ZMYM4: variants seen among roughly 807,000 people sequenced by gnomAD.
The protein encoded by ZMYM4 is zinc finger MYM-type protein 4.
ZMYM4 carries 31 observed loss-of-function variants against 183.2 expected under a neutral mutation model. The observed-to-expected ratio is 0.17, with a 90% CI of 0.13 to 0.23. The LOEUF is 0.23. Among genes scored for constraint, ZMYM4 ranks in the 10% least tolerant of loss-of-function variants. The pLI, the probability that ZMYM4 is intolerant of heterozygous loss-of-function variation, is 1.00. For missense variants in ZMYM4, 1,273 were observed against 1,840.3 expected (o/e 0.69, Z 5.64); for synonymous variants, 592 against 631.2 (o/e 0.94, Z 0.93).
chr1:35,316,112 C>T (rs531563248), intron 1 of ZMYM4, among the ~76,000 whole-genome samples: 27 of 152,020 alleles, frequency 1.8e-4, no homozygotes, highest in Non-Finnish European at 3.2e-4. Context: ...TAAATTTGAA[C>T]GTTTGGAAAG....
At chr1:35,409,894 C>T (rs547094872) in intron 26 of ZMYM4, among the ~76,000 whole-genome samples, 22 of 151,254 alleles carry the variant, frequency 1.5e-4, no homozygotes, top group Admixed American at 7.3e-4. Context: ...GAGCCAAGAT[C>T]GCGCCCCTGC....
intron 23 of ZMYM4, among the ~76,000 whole-genome samples, chr1:35,402,977 AGAAAGTATGAT>A (rs1644937936): frequency 6.6e-6 from 1 of 152,214 alleles, no homozygotes; most frequent in Non-Finnish European, 1.5e-5. Context: ...GTCTTGCAAC[AGAAAGTATGAT>A]GTTACCTGTA....
chr1:35,353,991 A>T (rs182773370), intron 2 of ZMYM4, among the ~76,000 whole-genome samples: 40 of 151,574 alleles, frequency 2.6e-4, no homozygotes, highest in Admixed American at 4.6e-4. Flanking sequence ...ACAAAAAATT[A>T]AAAAAAAATT....
chr1:35,370,338 ATTTTTTTTTT>A lies in ZMYM4; in HGVS notation c.926-14_926-5del, dbSNP rs35122134. ...AAAAGTAAAACATTTTTTTCTTTCA[ATTTTTTTTTT>A]TTTTTTTTTTTTTTTTTTTAAAGCT... On this transcript the variant is annotated intron_variant, in intron 6 of 29. Transcript: ENST00000314607. The A allele has an allele frequency of 1.7e-4, 195 of 1,129,092 alleles. 1 individual carries two copies. The highest frequency in any genetic ancestry group is 1.6e-3 in the East Asian group (36 of 22,340). The allele number at this position is 1,129,092 out of a possible 1,614,324, so 69.9% of individuals were successfully genotyped here.
intron 1 of ZMYM4, among the ~76,000 whole-genome samples, chr1:35,287,396 A>G (rs1640556140): frequency 3.3e-5 from 5 of 151,642 alleles, no homozygotes; most frequent in Admixed American, 2.6e-4. Context: ...CATTAAGTAC[A>G]TTATGTGATT....
At chr1:35,402,328 A>G (rs377678395) in intron 23 of ZMYM4, among the ~76,000 whole-genome samples, 1 of 152,044 alleles carries the variant, frequency 6.6e-6, no homozygotes, top group Admixed American at 6.6e-5. Flanking sequence ...TTTAAATTTC[A>G]TTTTTCACTG....
intron 2 of ZMYM4, among the ~76,000 whole-genome samples, chr1:35,356,785 T>G (rs1260490215): frequency 1.3e-5 from 2 of 152,154 alleles, no homozygotes; most frequent in Non-Finnish European, 2.9e-5. Flanking sequence ...GGGGAGCTAT[T>G]GAAGAATCTC....
chr1:35,311,370 C>T (rs906214725), intron 1 of ZMYM4, among the ~76,000 whole-genome samples: 2 of 148,952 alleles, frequency 1.3e-5, no homozygotes, highest in South Asian at 2.1e-4. Context: ...TTCAGTGAGC[C>T]GATATCATGC....
intron 7 of ZMYM4, among the ~76,000 whole-genome samples, chr1:35,371,430 C>T (rs1475516162): frequency 6.6e-6 from 1 of 151,918 alleles, no homozygotes; most frequent in African/African-American, 2.4e-5. Flanking sequence ...TTTTTATTTT[C>T]TCAATGTCTC....
chr1:35,306,804 C>T (rs1168523463), intron 1 of ZMYM4, among the ~76,000 whole-genome samples: 2 of 152,138 alleles, frequency 1.3e-5, no homozygotes, highest in Non-Finnish European at 2.9e-5. Flanking sequence ...CTTTTTCATC[C>T]TTCTGATCTC....
At chr1:35,349,696 G>A (rs1005055715) in intron 2 of ZMYM4, among the ~76,000 whole-genome samples, 8 of 151,736 alleles carry the variant, frequency 5.3e-5, no homozygotes, top group Middle Eastern at 3.2e-3. Flanking sequence ...CAGGCGTGGT[G>A]GTGGGCACCT....
At chr1:35,283,996 G>A (rs1225960951) in intron 1 of ZMYM4, among the ~76,000 whole-genome samples, 2 of 151,016 alleles carry the variant, frequency 1.3e-5, no homozygotes, top group African/African-American at 4.9e-5. Flanking sequence ...TTGAGACGGA[G>A]TCTCGCTCTG....
At chr1:35,314,069 T>C (rs1641926845) in intron 1 of ZMYM4, among the ~76,000 whole-genome samples, 1 of 152,156 alleles carries the variant, frequency 6.6e-6, no homozygotes, top group African/African-American at 2.4e-5. Context: ...GAGAAAACTT[T>C]TATTTGTTGT....
intron 2 of ZMYM4, 88 bp from the exon 3 acceptor site, chr1:35,358,836 AT>A: frequency 8.7e-7 from 1 of 1,145,184 alleles, no homozygotes; most frequent in East Asian, 2.4e-5. Flanking sequence ...GTTTGAAAAA[AT>A]ATTTATTTGG....
chr1:35,398,510 T>A, intron 21 of ZMYM4, 44 bp downstream of exon 21: 1 of 1,530,714 alleles, frequency 6.5e-7, no homozygotes, highest in South Asian at 1.2e-5. Context: ...AATACTACCC[T>A]CTGTTAGAAA....
intron 2 of ZMYM4, among the ~76,000 whole-genome samples, chr1:35,346,650 C>CAA (rs746472685): frequency 9.3e-4 from 50 of 54,008 alleles, no homozygotes; most frequent in South Asian, 1.8e-3. Context: ...GACTCCATCT[C>CAA]AAAAAAAAAA....
chr1:35,373,281 G>A (rs1644255560), intron 7 of ZMYM4, among the ~76,000 whole-genome samples: 1 of 150,798 alleles, frequency 6.6e-6, no homozygotes, highest in Non-Finnish European at 1.5e-5. Flanking sequence ...CCCCACAAGG[G>A]TAGGAACTTT....
At chr1:35,299,661 A>C (rs1191550823) in intron 1 of ZMYM4, among the ~76,000 whole-genome samples, 2 of 152,128 alleles carry the variant, frequency 1.3e-5, no homozygotes, top group Non-Finnish European at 2.9e-5. Flanking sequence ...GCCAGGAATC[A>C]GTCTGAATAG....
Position 35,387,189 on chromosome 1 carries a change from C to T in ZMYM4, c.2023C>T (p.His675Tyr), listed in dbSNP as rs370525567. 2.5e-6 allele frequency: 4 copies of T among 1,614,130 alleles called. No homozygotes were observed. Among genetic ancestry groups the T allele is most frequent in the Non-Finnish European group, 3.4e-6 (4 of 1,180,052 alleles). Reference sequence around the variant, plus strand: ...CCAGCGTCTCGCTGCCCAGTCCCAGCATGTTGGGTTTGCACGAAGTGTTGT... The same window carrying T: ...CCAGCGTCTCGCTGCCCAGTCCCAGTATGTTGGGTTTGCACGAAGTGTTGT... ...GLQRLAAQSQHVGFARSVVKL... is the reference protein window; with the variant it reads ...GLQRLAAQSQYVGFARSVVKL... The change falls in exon 12 of 30, where the codon CAT becomes TAT. Residue 675 changes from histidine to tyrosine, a missense_variant. Transcript: ENST00000314607.
Sources: allele counts gnomAD v4.1 joint callset (sites outside exome capture counted in the v4.1 genomes callset), GRCh38; gene constraint gnomAD v4.1.1; transcripts MANE v1.5; gene names NCBI Gene and HGNC (gene_info 2026-07-23, HGNC 2026-07-21).